Variants in LILRA2 observed in about 807,000 individuals in gnomAD.
LILRA2 encodes leukocyte immunoglobulin like receptor A2, also known as leukocyte immunoglobulin-like receptor subfamily A member 2.
In LILRA2, 45 loss-of-function variants were observed where a neutral mutation model predicts 47.9. The ratio of observed to expected loss-of-function variants is 0.94; its 90% CI spans 0.74 to 1.20. The LOEUF is 1.20. Among genes scored for constraint, LILRA2 ranks in the 50% most tolerant of loss-of-function variants. LILRA2 has a pLI of 0.00. For synonymous variants in LILRA2, 279 were observed against 249.2 expected, an observed-to-expected ratio of 1.12 and a Z score of -1.13; for missense variants, 651 against 598.2, an observed-to-expected ratio of 1.09 and a Z score of -0.92.
Position 54,589,491 on chromosome 19 carries a change from A to C in LILRA2, c.*2145A>C, listed in dbSNP as rs2062890069. On this transcript the variant is annotated 3_prime_UTR_variant, in exon 8 of 8. Coordinates refer to ENST00000391738, the MANE Select transcript of LILRA2 (RefSeq NM_001130917.3). The stretch of plus-strand genomic sequence containing the variant: ...GCACTCCAGCCTGGGCAACAGAGTG[A>C]GACTCTGTCTCAAAAAAAGAGAAAT... 6.6e-6 allele frequency: 1 copy of C among 152,188 alleles called. No individual in the cohort carries two copies. Among genetic ancestry groups the C allele is most frequent in the South Asian group, 2.1e-4 (1 of 4,832 alleles). 9.4% of individuals were successfully genotyped at this position (152,188 alleles called of 1,614,324 possible). A position where few individuals can be genotyped will look rare whatever the true frequency, so the allele number is the denominator to read the frequency against.
rs1434556310 is a variant in LILRA2 at position 54,587,545 on chromosome 19, T to C, written c.*199T>C. 1 of 955,314 alleles carries C rather than the reference T, an allele frequency of 1.0e-6. No homozygotes were observed. The highest frequency in any genetic ancestry group is 2.7e-5 in the East Asian group (1 of 37,546). The allele number at this position is 955,314 out of a possible 1,614,324, so 59.2% of individuals were successfully genotyped here. ...TAGAAGATCATTAAACTGTGGTACA[T>C]TTTTTTGTCTATGAATGTTGACTTC... On this transcript the variant is annotated 3_prime_UTR_variant, in exon 8 of 8. Coordinates refer to ENST00000391738, the MANE Select transcript of LILRA2 (RefSeq NM_001130917.3).
chr19:54,587,681 A>G lies in LILRA2; in HGVS notation c.*335A>G. 2.9e-6 allele frequency: 1 copy of G among 344,990 alleles called. No individual in the cohort carries two copies. The highest frequency in any genetic ancestry group is 5.3e-5 in the East Asian group (1 of 18,952). The allele number at this position is 344,990 out of a possible 1,614,324, so 21.4% of individuals were successfully genotyped here. On this transcript the variant is annotated 3_prime_UTR_variant, in exon 8 of 8. Coordinates refer to ENST00000391738, the MANE Select transcript of LILRA2 (RefSeq NM_001130917.3). Reference sequence around the variant, plus strand: ...TGTGTGCTCTGGTCCACGGCATGTGACACAGTCTTCCTTATTCCTCATTGT... The same window carrying G: ...TGTGTGCTCTGGTCCACGGCATGTGGCACAGTCTTCCTTATTCCTCATTGT...
Position 54,575,523 on chromosome 19 carries a change from C to T in LILRA2, c.923C>T (p.Pro308Leu), listed in dbSNP as rs767031445. The T allele has an allele frequency of 6.2e-7, 1 of 1,612,416 alleles. No individual in the cohort carries two copies. Residue 308 changes from proline to leucine, a missense_variant, in exon 5 of 8, where the codon CCC becomes CTC. Coordinates refer to ENST00000391738, the MANE Select transcript of LILRA2 (RefSeq NM_001130917.3). ...AHNLSSEWSAPSDPLDILITG... is the reference protein window; with the variant it reads ...AHNLSSEWSALSDPLDILITG... ...AACCTCTCCTCCGAGTGGTCGGCCC[C>T]CAGTGACCCCCTGGACATCCTGATC...
At position 54,587,378 on chromosome 19, in the gene LILRA2, G is replaced by C. The variant is rs1446471194; in HGVS notation, c.*32G>C. On this transcript the variant is annotated 3_prime_UTR_variant, in exon 8 of 8. Transcript: ENST00000391738. ...GAGAGGACAATGCATCCTTCAGCGT[G>C]GTGGAGCCTCAGGGACAGATCTGAT... 6.2e-7 allele frequency: 1 copy of C among 1,613,872 alleles called. No homozygotes were observed. Among genetic ancestry groups the C allele is most frequent in the East Asian group, 2.2e-5 (1 of 44,884 alleles).
rs780744436 is a variant in LILRA2, at chr19:54,574,130, G to C, written c.70+19G>C. The stretch of plus-strand genomic sequence containing the variant: ...CAGGCAGGTGAGTCTGTTCCCAGCT[G>C]TCCCAGGTCCCTCCTCCTCACTAGG... On this transcript the variant is annotated intron_variant, in intron 2 of 7. Coordinates refer to ENST00000391738, the MANE Select transcript of LILRA2 (RefSeq NM_001130917.3). The C allele has an allele frequency of 1.2e-5, 19 of 1,614,246 alleles. No homozygotes were observed. The highest frequency in any genetic ancestry group is 1.7e-4 in the Middle Eastern group (1 of 6,056).
intron 4 of LILRA2, 100 bp downstream of exon 4, chr19:54,575,133 T>G (rs1353255718): frequency 2.6e-6 from 4 of 1,557,736 alleles, no homozygotes; most frequent in Non-Finnish European, 1.7e-6. Flanking sequence ...GGTGGGATGA[T>G]GTTGGGGCGA....
chr19:54,581,771 C>G (rs1368865211), intron 6 of LILRA2, among the ~76,000 whole-genome samples: 1 of 149,438 alleles, frequency 6.7e-6, no homozygotes, highest in African/African-American at 2.6e-5. Context: ...ATGCCATCCC[C>G]ATCAAGCTAC....
chr19:54,578,941 A>C (rs1018156878), intron 6 of LILRA2, among the ~76,000 whole-genome samples: 1 of 150,778 alleles, frequency 6.6e-6, no homozygotes, highest in Non-Finnish European at 1.5e-5. Flanking sequence ...GTGTCTGTTC[A>C]TATCCTTTGC....
Position 54,575,953 on chromosome 19 carries a change from C to T in LILRA2, c.1099C>T (p.Leu367=), listed in dbSNP as rs370378058. 27 of 1,614,004 alleles carry T rather than the reference C, an allele frequency of 1.7e-5. No homozygotes were observed. In the African/African-American group the frequency reaches 3.5e-4, roughly 21 times the overall value. Residue 367 remains leucine (L), a synonymous_variant, in exon 6 of 8, where the codon CTG becomes TTG. Transcript: ENST00000391738. The part of the protein sequence containing the change: ...KEGAGHPPLH[L]RSEHQAQQNQ... ...GGGGGCAGGCCATCCCCCACTGCAT[C>T]TGAGATCAGAGCACCAAGCTCAGCA... is the stretch of plus-strand genomic sequence containing the variant.
At position 54,574,069 on chromosome 19, in the gene LILRA2, C is replaced by T. The variant is rs755240891; in HGVS notation, c.35-7C>T. 8 of 1,614,074 alleles carry T rather than the reference C, an allele frequency of 5.0e-6. No homozygotes were observed. Among genetic ancestry groups the T allele is most frequent in the Non-Finnish European group, 6.8e-6 (8 of 1,180,036 alleles). On this transcript the variant is annotated splice_region_variant and splice_polypyrimidine_tract_variant and intron_variant, in intron 1 of 7. Transcript: ENST00000391738. ...GGAAAAATCCCTCACAGGGAACTCT[C>T]TTCCAGGGCTGAGTCTGGGCCCCAG...
chr19:54,578,345 T>C (rs2145988331), intron 6 of LILRA2, among the ~76,000 whole-genome samples: 1 of 152,220 alleles, frequency 6.6e-6, no homozygotes, highest in African/African-American at 2.4e-5. Flanking sequence ...GTTCTCATTG[T>C]TCAACTCCCA....
At position 54,574,066 on chromosome 19, in the gene LILRA2, T is replaced by A. The variant is rs754219225; in HGVS notation, c.35-10T>A. 6.2e-7 allele frequency: 1 copy of A among 1,614,036 alleles called. No individual in the cohort carries two copies. The highest frequency in any genetic ancestry group is 1.1e-5 in the South Asian group (1 of 91,086). On this transcript the variant is annotated splice_polypyrimidine_tract_variant and intron_variant, in intron 1 of 7. Transcript: ENST00000391738. The stretch of plus-strand genomic sequence containing the variant: ...AGGGGAAAAATCCCTCACAGGGAAC[T>A]CTCTTCCAGGGCTGAGTCTGGGCCC...
chr19:54,577,061 T>TA (rs1240304561), intron 6 of LILRA2, among the ~76,000 whole-genome samples: 3 of 151,090 alleles, frequency 2.0e-5, no homozygotes, highest in Non-Finnish European at 4.4e-5. Context: ...TGTTAAGAGT[T>TA]AAAAAACCAA....
intron 6 of LILRA2, among the ~76,000 whole-genome samples, chr19:54,580,381 G>A (rs1050391599): frequency 1.2e-5 from 1 of 84,770 alleles, no homozygotes; most frequent in Non-Finnish European, 2.3e-5. Flanking sequence ...TCCCCAGAGT[G>A]TGATATTCCC....
At chr19:54,584,174 A>C (rs1258467227) in intron 6 of LILRA2, among the ~76,000 whole-genome samples, 2 of 152,078 alleles carry the variant, frequency 1.3e-5, no homozygotes, top group Non-Finnish European at 2.9e-5. Flanking sequence ...TTTTTGGGTA[A>C]CCAGACCTTT....
At position 54,587,419 on chromosome 19, in the gene LILRA2, T is replaced by C; in HGVS notation, c.*73T>C. On this transcript the variant is annotated 3_prime_UTR_variant, in exon 8 of 8. Transcript: ENST00000391738. Reference sequence around the variant, plus strand: ...CAGATCTGATGATCCCAGGAGGCTCTGGAGGACAATCTAGGACCTACATTA... The same window carrying C: ...CAGATCTGATGATCCCAGGAGGCTCCGGAGGACAATCTAGGACCTACATTA... 1 of 1,601,968 alleles carries C rather than the reference T, an allele frequency of 6.2e-7. No homozygotes were observed. Among genetic ancestry groups the C allele is most frequent in the African/African-American group, 1.3e-5 (1 of 74,790 alleles).
chr19:54,582,819 C>T (rs1369600078), intron 6 of LILRA2, among the ~76,000 whole-genome samples: 2 of 152,106 alleles, frequency 1.3e-5, no homozygotes, highest in African/African-American at 4.8e-5. Flanking sequence ...CTTCTGCTAG[C>T]TTTTGAATTT....
At position 54,589,694 on chromosome 19, in the gene LILRA2, C is replaced by T. The variant is rs568009010; in HGVS notation, c.*2348C>T. On this transcript the variant is annotated 3_prime_UTR_variant, in exon 8 of 8. Transcript: ENST00000391738. ...AATACACTCACCCCGTCTCCTTGTT[C>T]GGAGGCTCTCCTGCCTATCAGCTTT... The T allele has an allele frequency of 6.6e-5, 10 of 152,218 alleles. No homozygotes were observed. Among genetic ancestry groups the T allele is most frequent in the South Asian group, 4.2e-4 (2 of 4,712 alleles). The allele number at this position is 152,218 out of a possible 1,614,324, so 9.4% of individuals were successfully genotyped here.
In LILRA2 at chr19:54,574,364, T is replaced by G; in HGVS notation, c.134T>G (p.Val45Gly). The G allele has an allele frequency of 6.2e-7, 1 of 1,614,234 alleles. No individual in the cohort carries two copies. The highest frequency in any genetic ancestry group is 8.5e-7 in the Non-Finnish European group (1 of 1,180,028). ...TCTGTGATCATCCAGGGAAGTCCTG[T>G]GACCCTCAGGTGTCAGGGGAGCCTT... ...PGSVIIQGSP[V>G]TLRCQGSLQA... Residue 45 changes from valine to glycine, a missense_variant, in exon 3 of 8, where the codon GTG becomes GGG. Val to Gly is a moderately radical substitution (Grantham distance 109). Transcript: ENST00000391738.
Sources: gnomAD v4.1 joint callset for allele counts (sites outside exome capture counted in the v4.1 genomes callset) on GRCh38, gnomAD v4.1.1 for gene constraint, MANE v1.5 for transcripts, NCBI Gene and HGNC (gene_info 2026-07-23, HGNC 2026-07-21) for gene names.